Variants in PLEKHG6 observed in about 807,000 individuals in gnomAD.
PLEKHG6 encodes the protein pleckstrin homology and RhoGEF domain containing G6, also known as pleckstrin homology domain-containing family G member 6.
Under a neutral mutation model 97.5 loss-of-function variants are expected in PLEKHG6, and 91 were observed. The ratio of observed to expected loss-of-function variants is 0.93; its 90% CI spans 0.79 to 1.11. PLEKHG6 has a LOEUF of 1.11. Among genes scored for constraint, PLEKHG6 ranks in the 50% most tolerant of loss-of-function variants. PLEKHG6 has a pLI of 0.00. For missense variants in PLEKHG6, 1,044 were observed against 1,031.0 expected (o/e 1.01, Z -0.17); for synonymous variants, 466 against 425.5 (o/e 1.10, Z -1.17).
intron 8 of PLEKHG6, 25 bp downstream of exon 8, chr12:6,317,438 G>A (rs769145952): frequency 1.2e-4 from 198 of 1,609,158 alleles, no homozygotes; most frequent in Admixed American, 1.0e-3. Context: ...GCTGGGGAGG[G>A]GGACGGGTGC....
In PLEKHG6 at chr12:6,317,567, C is replaced by T. The variant is rs781435215; in HGVS notation, c.888C>T (p.Arg296=). The T allele has an allele frequency of 1.5e-5, 24 of 1,613,742 alleles. No homozygotes were observed. Among genetic ancestry groups the T allele is most frequent in the Non-Finnish European group, 2.0e-5 (24 of 1,180,000 alleles). ...TGCAGTGGTGTGAGAAGCACAAGCG[C>T]TCTGGGAGGCAGATGCTCTGTGACT... The part of the protein sequence containing the change: ...AFVQWCEKHK[R]SGRQMLCDLL... Residue 296 remains arginine, a synonymous_variant, in exon 9 of 16, where the codon CGC becomes CGT. Coordinates refer to ENST00000684764, the MANE Select transcript of PLEKHG6 (RefSeq NM_001384598.1).
At chr12:6,323,612 C>T (rs774550476) in intron 13 of PLEKHG6, among the ~76,000 whole-genome samples, 5 of 152,174 alleles carry the variant, frequency 3.3e-5, no homozygotes, top group African/African-American at 7.2e-5. Flanking sequence ...CAGAAAGAGC[C>T]GTCAGAGATG....
At chr12:6,313,083 G>T (rs1033306800) in intron 2 of PLEKHG6, 23 of 1,530,670 alleles carry the variant, frequency 1.5e-5, no homozygotes, top group Middle Eastern at 1.7e-4. Flanking sequence ...GGCCTGCCCT[G>T]GGAGGAGCTG....
intron 13 of PLEKHG6, among the ~76,000 whole-genome samples, chr12:6,323,746 C>G (rs1279741458): frequency 2.0e-5 from 3 of 152,328 alleles, no homozygotes; most frequent in African/African-American, 7.2e-5. Flanking sequence ...GCAGTGCACG[C>G]AGGACAGACA....
chr12:6,318,394 C>A lies in PLEKHG6; in HGVS notation c.1249C>A (p.Arg417=). 1 of 1,610,888 alleles carries A rather than the reference C, an allele frequency of 6.2e-7. No homozygotes were observed. The highest frequency in any genetic ancestry group is 8.5e-7 in the Non-Finnish European group (1 of 1,178,794). Residue 417 remains arginine (R), a synonymous_variant, in exon 11 of 16, where the codon CGA becomes AGA. Coordinates refer to ENST00000684764, the MANE Select transcript of PLEKHG6 (RefSeq NM_001384598.1). ...TRQLLLEGPV[R]VKEGREGKLD... is the part of the protein sequence containing the mutation. Reference sequence around the variant, plus strand: ...ACAGCTGCTGCTGGAGGGGCCTGTGCGAGTGAAGGAGGGACGAGAAGGGAA... The same window carrying A: ...ACAGCTGCTGCTGGAGGGGCCTGTGAGAGTGAAGGAGGGACGAGAAGGGAA...
rs1947504513 is a variant in PLEKHG6, at chr12:6,317,355, C to T, written c.809C>T (p.Thr270Ile). The stretch of plus-strand genomic sequence containing the variant: ...CAGTACTGCCTCCGAGTGAAGCAGA[C>T]CATGGCTTACGCCCGAGAACAGCAA... ...YVQYCLRVKQ[T>I]MAYAREQQET... The change falls in exon 8 of 16, where the codon ACC (threonine) becomes ATC (isoleucine). Residue 270 changes from threonine (T) to isoleucine (I), a missense_variant. Transcript: ENST00000684764. The T allele has an allele frequency of 7.4e-6, 12 of 1,614,030 alleles. No homozygotes were observed. Among genetic ancestry groups the T allele is most frequent in the Non-Finnish European group, 1.0e-5 (12 of 1,179,952 alleles).
chr12:6,316,439 A>C lies in PLEKHG6; in HGVS notation c.756+35A>C. 6.5e-7 allele frequency: 1 copy of C among 1,538,382 alleles called. No homozygotes were observed. Among genetic ancestry groups the C allele is most frequent in the Non-Finnish European group, 8.8e-7 (1 of 1,138,810 alleles). Reference sequence around the variant, plus strand: ...GTGAAGGGCTGTGTCTGGATGGGGCAGGACTCGGAGCCCTCGGGGGTCCTG... The same window carrying C: ...GTGAAGGGCTGTGTCTGGATGGGGCCGGACTCGGAGCCCTCGGGGGTCCTG... On this transcript the variant is annotated intron_variant, in intron 7 of 15. Coordinates refer to ENST00000684764, the MANE Select transcript of PLEKHG6 (RefSeq NM_001384598.1). The surrounding 1 kb of genome is among the most constrained non-coding windows in gnomAD (Gnocchi z 4.1).
chr12:6,321,620 C>T (rs1159271078), intron 13 of PLEKHG6, among the ~76,000 whole-genome samples: 2 of 151,620 alleles, frequency 1.3e-5, no homozygotes, highest in African/African-American at 2.4e-5. Context: ...GGGCCGATCA[C>T]GAGGTCAGGA....
chr12:6,318,091 C>A, intron 10 of PLEKHG6, 97 bp downstream of exon 10: 1 of 1,423,772 alleles, frequency 7.0e-7, no homozygotes, highest in South Asian at 1.4e-5. Flanking sequence ...TACTTGGGTG[C>A]TACAAGGGTG....
In PLEKHG6 at chr12:6,310,746, A is replaced by C. The variant is rs1947229524; in HGVS notation, c.-171A>C. ...GCTCGATCCCAGTCCCAGGCTGGGCATCGGGGCTGGCTGGCATCGCCGGGG... is the reference window on the plus strand; with the variant it reads ...GCTCGATCCCAGTCCCAGGCTGGGCCTCGGGGCTGGCTGGCATCGCCGGGG... On this transcript the variant is annotated 5_prime_UTR_variant, in exon 1 of 16. Coordinates refer to ENST00000684764, the MANE Select transcript of PLEKHG6 (RefSeq NM_001384598.1). 6.6e-6 allele frequency: 1 copy of C among 151,854 alleles called. No homozygotes were observed. The highest frequency in any genetic ancestry group is 2.4e-5 in the African/African-American group (1 of 41,474). The allele number at this position is 151,854 out of a possible 1,614,324, so 9.4% of individuals were successfully genotyped here.
rs566646793 is a variant in PLEKHG6, at chr12:6,318,341, T to C, written c.1196T>C (p.Met399Thr). The change falls in exon 11 of 16, where the codon ATG (methionine) becomes ACG (threonine). Residue 399 changes from methionine (M) to threonine (T), a missense_variant. Met to Thr is a moderately conservative substitution (Grantham distance 81). Coordinates refer to ENST00000684764, the MANE Select transcript of PLEKHG6 (RefSeq NM_001384598.1). Reference sequence around the variant, plus strand: ...TCCACCCTGGACCTGACGTCCCCCATGCTGGGGGTTGCATCTGAGCACACC... The same window carrying C: ...TCCACCCTGGACCTGACGTCCCCCACGCTGGGGGTTGCATCTGAGCACACC... ...PFSTLDLTSP[M>T]LGVASEHTRQ... 6.2e-7 allele frequency: 1 copy of C among 1,613,818 alleles called. No homozygotes were observed. Among genetic ancestry groups the C allele is most frequent in the African/African-American group, 1.3e-5 (1 of 74,912 alleles).
rs778969863 is a variant in PLEKHG6, at chr12:6,327,422, T to G, written c.1839T>G (p.Leu613=). 6.2e-7 allele frequency: 1 copy of G among 1,614,052 alleles called. No individual in the cohort carries two copies. The highest frequency in any genetic ancestry group is 8.5e-7 in the Non-Finnish European group (1 of 1,179,966). Residue 613 remains leucine, a synonymous_variant, in exon 15 of 16, where the codon CTT becomes CTG. Coordinates refer to ENST00000684764, the MANE Select transcript of PLEKHG6 (RefSeq NM_001384598.1). ...TGAGCCGTCTACGCCAAAGAGCCCT[T>G]CGGCGGGACCCTCGCCTCACCTTCT... ...SPLSRLRQRA[L]RRDPRLTFST... is the part of the protein sequence containing the mutation.
At chr12:6,314,348 T>TAA in intron 3 of PLEKHG6, among the ~76,000 whole-genome samples, 1 of 151,276 alleles carries the variant, frequency 6.6e-6, no homozygotes, top group East Asian at 1.9e-4. Context: ...GCTAAAAATG[T>TAA]AAAAAAAAAT....
intron 13 of PLEKHG6, among the ~76,000 whole-genome samples, chr12:6,323,972 G>A (rs1947784256): frequency 6.6e-6 from 1 of 152,108 alleles, no homozygotes; most frequent in Non-Finnish European, 1.5e-5. Flanking sequence ...AGGAGAGTGG[G>A]TGAATCTAGG....
rs913296843 is a variant in PLEKHG6 at position 6,314,004 on chromosome 12, T to A, written c.294+220T>A. 3.3e-5 allele frequency among the ~76,000 whole-genome samples: 5 copies of A among 152,254 alleles called. No individual in the cohort carries two copies. In the East Asian group the frequency reaches 9.6e-4, roughly 29 times the overall value. ...TTGAGACACTTTGATTAAATGTGGA[T>A]AAACGATTGATATTGAGCTTTCAGT... On this transcript the variant is annotated intron_variant, in intron 3 of 15. Transcript: ENST00000684764.
At position 6,313,923 on chromosome 12, in the gene PLEKHG6, G is replaced by A. The variant is rs909829235; in HGVS notation, c.294+139G>A. ...GCCAGTCAGACATGGCTCTGCCTAG[G>A]ACCTCTCAGGGATATATCTCTCTTT... On this transcript the variant is annotated intron_variant, in intron 3 of 15. Coordinates refer to ENST00000684764, the MANE Select transcript of PLEKHG6 (RefSeq NM_001384598.1). 5.7e-6 allele frequency: 4 copies of A among 703,238 alleles called. No individual in the cohort carries two copies. In the African/African-American group the frequency reaches 7.4e-5, roughly 13 times the overall value. The allele number at this position is 703,238 out of a possible 1,614,324, so 43.6% of individuals were successfully genotyped here.
chr12:6,313,283 A>T, intron 2 of PLEKHG6: 1 of 1,172,830 alleles, frequency 8.5e-7, no homozygotes. Flanking sequence ...TTGTCCATGC[A>T]CCCCCCATGG....
chr12:6,322,054 C>G (rs879666873), intron 13 of PLEKHG6, among the ~76,000 whole-genome samples: 2 of 152,124 alleles, frequency 1.3e-5, no homozygotes, highest in Non-Finnish European at 2.9e-5. Context: ...AGCTGTCATT[C>G]GGCTTAGGCA....
At chr12:6,312,657 C>A (rs1367009236) in intron 2 of PLEKHG6, 2 of 1,227,058 alleles carry the variant, frequency 1.6e-6, no homozygotes, top group African/African-American at 1.6e-5. Context: ...GGTCATCAAA[C>A]CCCAGAGCTG....
Sources: gnomAD v4.1 joint callset for allele counts (sites outside exome capture counted in the v4.1 genomes callset) on GRCh38, gnomAD v4.1.1 for gene constraint, Gnocchi (gnomAD v3.1) non-coding constraint, MANE v1.5 for transcripts, NCBI Gene and HGNC (gene_info 2026-07-23, HGNC 2026-07-21) for gene names.